Variants in DIP2C observed in about 807,000 individuals in gnomAD.
The protein encoded by DIP2C is disco-interacting protein 2 homolog C.
Under a neutral mutation model 192.4 loss-of-function variants are expected in DIP2C, and 33 were observed. The observed-to-expected ratio is 0.17, with a 90% confidence interval of 0.13 to 0.23. DIP2C has a LOEUF of 0.23. Ranked by LOEUF, DIP2C falls within the 10% of genes least tolerant of loss-of-function variation. DIP2C has a pLI of 1.00. For synonymous variants in DIP2C, 979 were observed against 864.1 expected, an observed-to-expected ratio of 1.13 and a Z score of -2.33; for missense variants, 1,537 against 2,110.1, an observed-to-expected ratio of 0.73 and a Z score of 5.32.
At chr10:612,854 G>C (rs1853192869) in intron 1 of DIP2C, among the ~76,000 whole-genome samples, 1 of 152,224 alleles carries the variant, frequency 6.6e-6, no homozygotes. Context: ...AGAAGTGTCA[G>C]GTTCCCATGA....
At chr10:331,901 T>C (rs1235503450) in intron 29 of DIP2C, among the ~76,000 whole-genome samples, 1 of 151,050 alleles carries the variant, frequency 6.6e-6, no homozygotes, top group Non-Finnish European at 1.5e-5. Flanking sequence ...ATATGTAACA[T>C]AACATTTACC....
intron 2 of DIP2C, among the ~76,000 whole-genome samples, chr10:476,625 C>T (rs1015025092): frequency 1.3e-5 from 2 of 152,172 alleles, no homozygotes; most frequent in African/African-American, 4.8e-5. Context: ...CCCGTGACTG[C>T]CTTTTCATTT....
At chr10:297,483 A>T (rs765381649) in intron 32 of DIP2C, among the ~76,000 whole-genome samples, 1 of 152,188 alleles carries the variant, frequency 6.6e-6, no homozygotes, top group Admixed American at 6.5e-5. Context: ...ATTGAATAGG[A>T]TTCAGCCATA....
In DIP2C at chr10:390,013, C is replaced by T. The variant is rs143968753; in HGVS notation, c.1575G>A (p.Thr525=). The change falls in exon 13 of 37, where the codon ACG becomes ACA. Residue 525 remains threonine (T), a synonymous_variant. Transcript: ENST00000280886. ...CACCTTCCGTGTAGCCACACGCCTG[C>T]GTCAGGGCCTGGCAGTGTGTCAGCA... ...TALLTHCQAL[T]QACGYTEAET... 7.4e-5 allele frequency: 120 copies of T among 1,613,874 alleles called. No individual in the cohort carries two copies. The highest frequency in any genetic ancestry group is 9.0e-5 in the Non-Finnish European group (106 of 1,179,844).
At position 365,088 on chromosome 10, in the gene DIP2C, C is replaced by T. The variant is rs79583103; in HGVS notation, c.2269-506G>A. The T allele has an allele frequency of 2.0e-3, 965 of 487,352 alleles. 10 individuals carry two copies. Among genetic ancestry groups the T allele is most frequent in the African/African-American group, 0.017 (881 of 50,824 alleles). 30.2% of individuals were successfully genotyped at this position (487,352 alleles called of 1,614,324 possible). ...AACTCTAACCCTCTTTTTTCCTCCA[C>T]CCTTGCAGATAAACCAGAGAAACGG... On this transcript the variant is annotated intron_variant, in intron 19 of 36. Coordinates refer to ENST00000280886, the MANE Select transcript of DIP2C (RefSeq NM_014974.3).
Position 313,829 on chromosome 10 carries a change from G to A in DIP2C, c.3925-3737C>T, listed in dbSNP as rs529607958. On this transcript the variant is annotated intron_variant, in intron 31 of 36. Coordinates refer to ENST00000280886, the MANE Select transcript of DIP2C (RefSeq NM_014974.3). ...TTTAAATCTCAGGTGAAGATATACA[G>A]ACTCACACCCCAAATATCAGCACAG... Among the ~76,000 whole-genome samples the A allele has an allele frequency of 7.2e-5, 11 of 152,292 alleles. No individual in the cohort carries two copies. The South Asian group carries it at 1.9e-3, about 26-fold the overall frequency.
intron 1 of DIP2C, among the ~76,000 whole-genome samples, chr10:504,815 G>A (rs1341082023): frequency 4.6e-5 from 7 of 152,106 alleles, no homozygotes; most frequent in African/African-American, 1.2e-4. Context: ...AAACCAAATC[G>A]CACTATGGCT....
chr10:573,910 G>A (rs1213298707), intron 1 of DIP2C, among the ~76,000 whole-genome samples: 3 of 152,130 alleles, frequency 2.0e-5, no homozygotes, highest in Non-Finnish European at 4.4e-5. Context: ...GTGGTACCAT[G>A]GACACACCAC....
At chr10:583,747 C>T (rs2131601236) in intron 1 of DIP2C, among the ~76,000 whole-genome samples, 1 of 152,324 alleles carries the variant, frequency 6.6e-6, no homozygotes, top group East Asian at 1.9e-4. Flanking sequence ...GATGCAGAAA[C>T]AGGTATTAAA....
intron 1 of DIP2C, among the ~76,000 whole-genome samples, chr10:488,445 C>T (rs1336278180): frequency 3.9e-5 from 6 of 152,202 alleles, no homozygotes; most frequent in Non-Finnish European, 7.3e-5. Flanking sequence ...ATGGTACTCA[C>T]GTTCCTCACC....
chr10:574,946 T>C lies in DIP2C; in HGVS notation c.86-88416A>G, dbSNP rs1309343794. 2.0e-5 allele frequency among the ~76,000 whole-genome samples: 3 copies of C among 152,140 alleles called. No homozygotes were observed. In the East Asian group the frequency reaches 5.8e-4, roughly 29 times the overall value. On this transcript the variant is annotated intron_variant, in intron 1 of 36. Transcript: ENST00000280886. Reference sequence around the variant, plus strand: ...TATGAAGTTTATGTAATTCCACAGATTCTCAGGTTCACCTTCCACGAGTGA... The same window carrying C: ...TATGAAGTTTATGTAATTCCACAGACTCTCAGGTTCACCTTCCACGAGTGA...
intron 17 of DIP2C, among the ~76,000 whole-genome samples, chr10:375,199 G>A (rs1961421378): frequency 2.0e-5 from 3 of 152,212 alleles, no homozygotes; most frequent in Non-Finnish European, 2.9e-5. Context: ...TGTTCTCGCA[G>A]TAACACGAGA....
At chr10:489,343 G>A (rs938181207) in intron 1 of DIP2C, among the ~76,000 whole-genome samples, 3 of 152,196 alleles carry the variant, frequency 2.0e-5, no homozygotes, top group South Asian at 2.1e-4. Context: ...TTTCCCGTGC[G>A]AATACAATCA....
chr10:675,379 A>G (rs1417808859), intron 1 of DIP2C, among the ~76,000 whole-genome samples: 1 of 152,194 alleles, frequency 6.6e-6, no homozygotes, highest in Admixed American at 6.5e-5. Context: ...GCAATGAGCT[A>G]GAAGAGCAAG....
At chr10:368,394 CA>C (rs568500990) in intron 18 of DIP2C, among the ~76,000 whole-genome samples, 89 of 152,302 alleles carry the variant, frequency 5.8e-4, no homozygotes, top group Non-Finnish European at 7.1e-4. Context: ...GAAATGGAGC[CA>C]GGGGGGCCTG....
chr10:390,293 C>G lies in DIP2C; in HGVS notation c.1465G>C (p.Asp489His). Residue 489 changes from aspartate to histidine, a missense_variant, in exon 12 of 37, where the codon GAT (aspartate) becomes CAT (histidine). This residue lies in a region of DIP2C where 677 missense variants were observed against 989.9 expected (regional missense o/e 0.68). Transcript: ENST00000280886. ...PPRDWFPHIK[D>H]ANNDTAYIEY... ...ATATACGCAGTGTCGTTATTGGCAT[C>G]TTTAATGTGTGGGAACCAGTCTCGG... is the stretch of plus-strand genomic sequence containing the variant. 6.2e-7 allele frequency: 1 copy of G among 1,613,966 alleles called. No individual in the cohort carries two copies. The highest frequency in any genetic ancestry group is 8.5e-7 in the Non-Finnish European group (1 of 1,180,008).
intron 1 of DIP2C, among the ~76,000 whole-genome samples, chr10:568,785 A>AC: frequency 6.8e-6 from 1 of 146,652 alleles, no homozygotes; most frequent in South Asian, 2.2e-4. Flanking sequence ...AAAAAAAAAA[A>AC]AAAAAAAAAA....
At position 569,258 on chromosome 10, in the gene DIP2C, A is replaced by T. The variant is rs146669807; in HGVS notation, c.86-82728T>A. ...AGCTTCTAGCTTTGCTGTCAGCTACAAAGTGTTTCTATAAAATAATGTCAT... is the reference window on the plus strand; with the variant it reads ...AGCTTCTAGCTTTGCTGTCAGCTACTAAGTGTTTCTATAAAATAATGTCAT... On this transcript the variant is annotated intron_variant, in intron 1 of 36. Transcript: ENST00000280886. 3.3e-4 allele frequency among the ~76,000 whole-genome samples: 51 copies of T among 152,338 alleles called. 1 individual carries two copies. Among genetic ancestry groups the T allele is most frequent in the African/African-American group, 1.2e-3 (50 of 41,566 alleles).
At chr10:422,333 G>A (rs187964705) in intron 5 of DIP2C, among the ~76,000 whole-genome samples, 212 of 152,226 alleles carry the variant, frequency 1.4e-3, no homozygotes, top group African/African-American at 4.7e-3. Context: ...ACGTCATAGG[G>A]CAGTGATCCT....
Sources: allele counts gnomAD v4.1 joint callset (sites outside exome capture counted in the v4.1 genomes callset), GRCh38; gene constraint gnomAD v4.1.1; regional missense constraint gnomAD v4.1.1; transcripts MANE v1.5; gene names NCBI Gene and HGNC (gene_info 2026-07-23, HGNC 2026-07-21).